CHL1: variants seen among roughly 807,000 people sequenced by gnomAD.
CHL1 encodes the protein neural cell adhesion molecule L1-like protein.
In CHL1, 96 loss-of-function variants were observed where a neutral mutation model predicts 141.9. The observed-to-expected ratio is 0.68, with a 90% confidence interval of 0.57 to 0.80. CHL1 has a LOEUF of 0.80. CHL1 is among the 30% of genes least tolerant of loss of function. CHL1 has a pLI of 0.00. For synonymous variants in CHL1, 613 were observed against 502.2 expected (o/e 1.22, Z -2.95); for missense variants, 1,820 against 1,457.2 (o/e 1.25, Z -4.05).
chr3:391,887 C>T, intron 23 of CHL1, 90 bp downstream of exon 23: 1 of 1,048,224 alleles, frequency 9.5e-7, no homozygotes, highest in Non-Finnish European at 1.4e-6. Context: ...CTAATGATCA[C>T]TTAAGGCCAT....
At chr3:298,010 A>T (rs17021537) in intron 2 of CHL1, among the ~76,000 whole-genome samples, 3 of 152,136 alleles carry the variant, frequency 2.0e-5, no homozygotes, top group African/African-American at 7.2e-5. Context: ...CTTGATAATC[A>T]TTTGTGTTAT....
intron 24 of CHL1, among the ~76,000 whole-genome samples, chr3:396,002 A>G (rs1296141279): frequency 1.3e-5 from 2 of 152,172 alleles, no homozygotes; most frequent in Non-Finnish European, 2.9e-5. Flanking sequence ...GTTTGTTTTT[A>G]CATCTTATTG....
At chr3:256,285 T>G (rs145686654) in intron 2 of CHL1, among the ~76,000 whole-genome samples, 5 of 152,344 alleles carry the variant, frequency 3.3e-5, no homozygotes, top group African/African-American at 1.2e-4. Flanking sequence ...TATTGTATAT[T>G]ACCATAGCAT....
chr3:349,415 A>G lies in CHL1; in HGVS notation c.905A>G (p.Glu302Gly), dbSNP rs1038598697. 3.1e-6 allele frequency: 5 copies of G among 1,613,938 alleles called. No homozygotes were observed. Among genetic ancestry groups the G allele is most frequent in the Non-Finnish European group, 4.2e-6 (5 of 1,179,830 alleles). The change falls in exon 10 of 28, where the codon GAA becomes GGA. Residue 302 changes from glutamate to glycine, a missense_variant. By Grantham distance (98) the Glu-to-Gly change is moderately conservative. Transcript: ENST00000256509. Reference protein sequence around the residue: ...KIGGDLPKGRETKENYGKTLK... With the variant: ...KIGGDLPKGRGTKENYGKTLK... The stretch of plus-strand genomic sequence containing the variant: ...GGTGGTGACTTACCAAAGGGGAGAG[A>G]AACAAAAGAAAATTATGGCAAGACT...
Position 330,764 on chromosome 3 carries a change from C to T in CHL1, c.385+2410C>T, listed in dbSNP as rs536971711. ...TCTTTGAGGAACAAAGGGCAAACTT[C>T]AGTAGAAATTATTAAAGAATAACAA... On this transcript the variant is annotated intron_variant, in intron 5 of 27. Transcript: ENST00000256509. Among the ~76,000 whole-genome samples, 127 of 152,112 alleles carry T rather than the reference C, an allele frequency of 8.3e-4. 1 individual carries two copies. Among genetic ancestry groups the T allele is most frequent in the African/African-American group, 2.7e-3 (114 of 41,502 alleles).
At chr3:391,877 C>CT in intron 23 of CHL1, 80 bp downstream of exon 23, 1 of 1,118,308 alleles carries the variant, frequency 8.9e-7, no homozygotes, top group Non-Finnish European at 1.3e-6. Context: ...TGTTGGGAGT[C>CT]TAATGATCAC....
At chr3:331,758 A>T (rs1009847856) in intron 5 of CHL1, among the ~76,000 whole-genome samples, 2 of 152,208 alleles carry the variant, frequency 1.3e-5, no homozygotes, top group African/African-American at 4.8e-5. Flanking sequence ...TAAAAAAGGA[A>T]AAATGACAAA....
At chr3:378,011 C>A in intron 16 of CHL1, 69 bp downstream of exon 16, 1 of 1,374,802 alleles carries the variant, frequency 7.3e-7, no homozygotes, top group Non-Finnish European at 9.7e-7. Flanking sequence ...CGTTCCTGGC[C>A]AATAAAGCTA....
intron 9 of CHL1, among the ~76,000 whole-genome samples, chr3:346,551 G>T (rs1702784773): frequency 6.6e-6 from 1 of 152,154 alleles, no homozygotes; most frequent in South Asian, 2.1e-4. Context: ...TCAAAATAAT[G>T]AAATGCTCTC....
intron 16 of CHL1, among the ~76,000 whole-genome samples, chr3:378,959 C>T (rs1706690106): frequency 6.6e-6 from 1 of 152,212 alleles, no homozygotes; most frequent in Non-Finnish European, 1.5e-5. Context: ...CTAACAGCTA[C>T]AGACATTTGT....
intron 2 of CHL1, among the ~76,000 whole-genome samples, chr3:282,020 T>C (rs560229012): frequency 3.9e-5 from 6 of 152,380 alleles, no homozygotes; most frequent in African/African-American, 1.4e-4. Context: ...TAATTACTGA[T>C]AAGGTAGAAT....
intron 1 of CHL1, among the ~76,000 whole-genome samples, chr3:212,734 C>T (rs1700002382): frequency 6.6e-6 from 1 of 152,206 alleles, no homozygotes. Context: ...GAGACCCTCT[C>T]CTTTGACTCA....
intron 11 of CHL1, among the ~76,000 whole-genome samples, chr3:357,385 G>T (rs565139782): frequency 3.0e-4 from 46 of 152,040 alleles, no homozygotes; most frequent in Non-Finnish European, 5.6e-4. Flanking sequence ...ATTGATTATC[G>T]GACTAACCCT....
intron 27 of CHL1, among the ~76,000 whole-genome samples, chr3:402,614 A>C (rs1398982726): frequency 6.6e-6 from 1 of 152,202 alleles, no homozygotes; most frequent in African/African-American, 2.4e-5. Flanking sequence ...CTCTGGATTC[A>C]TTACTCTAGC....
intron 5 of CHL1, among the ~76,000 whole-genome samples, chr3:329,654 A>C (rs1314714703): frequency 1.3e-5 from 2 of 152,034 alleles, no homozygotes; most frequent in Non-Finnish European, 2.9e-5. Context: ...ATGAAAGACA[A>C]AAGTAAATAG....
In CHL1 at chr3:302,253, A is replaced by G. The variant is rs187015386; in HGVS notation, c.-94-17430A>G. Among the ~76,000 whole-genome samples the G allele has an allele frequency of 7.9e-5, 12 of 152,330 alleles. 1 individual carries two copies. The highest frequency in any genetic ancestry group is 2.9e-4 in the African/African-American group (12 of 41,576). On this transcript the variant is annotated intron_variant, in intron 2 of 27. Transcript: ENST00000256509. ...TAGAATGATTTATAATTCTTTGGGT[A>G]TATGCCCAGTAATGGGATTGCTGGG...
chr3:399,374 G>T (rs750860356), intron 26 of CHL1, among the ~76,000 whole-genome samples: 3 of 152,212 alleles, frequency 2.0e-5, no homozygotes, highest in African/African-American at 7.2e-5. Flanking sequence ...GGGCGCAGTG[G>T]CTCACGCCTG....
chr3:383,743 G>A, intron 18 of CHL1, 73 bp from the exon 19 acceptor site: 1 of 922,502 alleles, frequency 1.1e-6, no homozygotes, highest in Non-Finnish European at 1.7e-6. Context: ...GTTTTTGGGG[G>A]GCAGGAGTTG....
chr3:234,694 G>C (rs771212042), intron 1 of CHL1, among the ~76,000 whole-genome samples: 12 of 152,090 alleles, frequency 7.9e-5, no homozygotes, highest in Non-Finnish European at 1.0e-4. Flanking sequence ...AGGTGCAATG[G>C]CTCAAGCAGG....
Sources: gnomAD v4.1 joint callset for allele counts (sites outside exome capture counted in the v4.1 genomes callset) on GRCh38, gnomAD v4.1.1 for gene constraint, MANE v1.5 for transcripts, NCBI Gene and HGNC (gene_info 2026-07-23, HGNC 2026-07-21) for gene names.